PARD3B: variants seen among roughly 807,000 people sequenced by gnomAD.
The protein encoded by PARD3B is partitioning defective 3 homolog B.
PARD3B carries 103 observed loss-of-function variants against 130.2 expected under a neutral mutation model. The ratio of observed to expected loss-of-function variants is 0.79; its 90% CI spans 0.67 to 0.93. The LOEUF is 0.93. PARD3B is among the 40% of genes least tolerant of loss of function. The pLI is 0.00. For synonymous variants in PARD3B, 583 were observed against 553.2 expected (o/e 1.05, Z -0.76); for missense variants, 1,609 against 1,499.2 (o/e 1.07, Z -1.21).
rs74589352 is a variant in PARD3B at position 204,635,739 on chromosome 2, G to T, written c.121-50442G>T. ...CAACTAATGAGTCACTTATTTCCTT[G>T]TCGTGTAAAATGGGGATAATAATAA... On this transcript the variant is annotated intron_variant, in intron 1 of 22. Coordinates refer to ENST00000406610, the MANE Select transcript of PARD3B (RefSeq NM_001302769.2). Among the ~76,000 whole-genome samples, 1,017 of 152,180 alleles carry T rather than the reference G, an allele frequency of 6.7e-3. 13 individuals are homozygous for T. The highest frequency in any genetic ancestry group is 0.023 in the African/African-American group (963 of 41,514).
At chr2:204,808,064 G>A (rs2042836807) in intron 2 of PARD3B, among the ~76,000 whole-genome samples, 2 of 151,906 alleles carry the variant, frequency 1.3e-5, no homozygotes, top group South Asian at 2.1e-4. Flanking sequence ...TATCAAAGTA[G>A]CTCATGTACC....
At chr2:205,250,552 G>A (rs922044039) in intron 16 of PARD3B, among the ~76,000 whole-genome samples, 2 of 152,058 alleles carry the variant, frequency 1.3e-5, no homozygotes, top group African/African-American at 4.8e-5. Context: ...AACAATCTAG[G>A]GAGCTATTTC....
intron 18 of PARD3B, among the ~76,000 whole-genome samples, chr2:205,308,604 C>CAAAA (rs5837965): frequency 0.48 from 53,640 of 111,740 alleles, 15,299 homozygotes; most frequent in South Asian, 0.66. Context: ...GACTCCGTCT[C>CAAAA]AAAAAAAAAA....
intron 3 of PARD3B, among the ~76,000 whole-genome samples, chr2:205,007,373 A>G (rs1023798205): frequency 1.2e-4 from 18 of 152,202 alleles, no homozygotes; most frequent in African/African-American, 4.3e-4. Context: ...GGATAGGATG[A>G]GAGATGGCGA....
chr2:205,088,683 C>T (rs908953813), intron 4 of PARD3B, among the ~76,000 whole-genome samples: 1 of 152,138 alleles, frequency 6.6e-6, no homozygotes, highest in African/African-American at 2.4e-5. Context: ...CTTTCTATTC[C>T]TTTGTATGTC....
chr2:205,521,385 C>G (rs546383130), intron 21 of PARD3B, among the ~76,000 whole-genome samples: 2 of 151,960 alleles, frequency 1.3e-5, no homozygotes, highest in African/African-American at 4.8e-5. Flanking sequence ...GAATATTAAG[C>G]CTTTACTGTC....
intron 16 of PARD3B, among the ~76,000 whole-genome samples, chr2:205,270,158 A>AT (rs1168072596): frequency 2.0e-5 from 3 of 152,226 alleles, no homozygotes; most frequent in Non-Finnish European, 4.4e-5. Context: ...TTTTAAAAAA[A>AT]TTTTAAAAGT....
At chr2:205,217,812 A>G (rs2038002539) in intron 15 of PARD3B, among the ~76,000 whole-genome samples, 1 of 54,572 alleles carries the variant, frequency 1.8e-5, no homozygotes, top group Non-Finnish European at 3.2e-5. Context: ...ATGTGTGTAT[A>G]TATGTATATG....
At chr2:205,144,882 T>C (rs1292327375) in intron 10 of PARD3B, among the ~76,000 whole-genome samples, 2 of 152,240 alleles carry the variant, frequency 1.3e-5, no homozygotes, top group East Asian at 3.8e-4. Context: ...GCTTTTATTG[T>C]TTGATTTTCT....
intron 3 of PARD3B, among the ~76,000 whole-genome samples, chr2:205,039,913 A>G (rs1559379148): frequency 1.3e-5 from 2 of 152,154 alleles, no homozygotes. Flanking sequence ...AATAAAGTTC[A>G]AAAGATTTGG....
At chr2:204,709,077 G>C (rs989528353) in intron 2 of PARD3B, among the ~76,000 whole-genome samples, 2 of 152,036 alleles carry the variant, frequency 1.3e-5, no homozygotes, top group African/African-American at 4.8e-5. Flanking sequence ...GCTACTTAGG[G>C]AATGCATGAA....
chr2:205,374,558 C>A (rs943942324), intron 18 of PARD3B, among the ~76,000 whole-genome samples: 4 of 152,118 alleles, frequency 2.6e-5, no homozygotes, highest in Admixed American at 6.6e-5. Context: ...TTATATATTT[C>A]TTTCAGTCTT....
At chr2:205,560,660 C>T (rs2053097954) in intron 22 of PARD3B, among the ~76,000 whole-genome samples, 1 of 152,186 alleles carries the variant, frequency 6.6e-6, no homozygotes, top group South Asian at 2.1e-4. Context: ...GGGACAAAGG[C>T]CTGCTTGGGC....
intron 1 of PARD3B, among the ~76,000 whole-genome samples, chr2:204,579,158 A>G (rs144326620): frequency 1.3e-5 from 2 of 151,444 alleles, no homozygotes; most frequent in Admixed American, 6.6e-5. Context: ...TCACAACAAC[A>G]GTAATAATCA....
intron 21 of PARD3B, among the ~76,000 whole-genome samples, chr2:205,513,391 C>T (rs372602611): frequency 1.1e-4 from 17 of 151,816 alleles, no homozygotes; most frequent in East Asian, 3.9e-4. Flanking sequence ...CATGATGATG[C>T]GGGGAACAGA....
chr2:204,990,485 A>G (rs1240730837), intron 3 of PARD3B, among the ~76,000 whole-genome samples: 1 of 152,170 alleles, frequency 6.6e-6, no homozygotes, highest in Non-Finnish European at 1.5e-5. Context: ...GTTGAACACT[A>G]GAACTAATTG....
chr2:205,453,463 G>A (rs943332697), intron 20 of PARD3B, among the ~76,000 whole-genome samples: 1 of 152,194 alleles, frequency 6.6e-6, no homozygotes, highest in Non-Finnish European at 1.5e-5. Context: ...AACGCTTAAA[G>A]TAGGGTTGGC....
At chr2:205,178,464 A>G (rs114355313) in intron 13 of PARD3B, among the ~76,000 whole-genome samples, 1 of 152,148 alleles carries the variant, frequency 6.6e-6, no homozygotes, top group East Asian at 1.9e-4. Flanking sequence ...GAAAAAAAAG[A>G]AATTAAAAAT....
chr2:204,891,661 A>G (rs562110450), intron 2 of PARD3B, among the ~76,000 whole-genome samples: 1 of 152,190 alleles, frequency 6.6e-6, no homozygotes. Flanking sequence ...AACCAGCCAC[A>G]TTCTTCTCTG....
Sources: allele counts gnomAD v4.1 joint callset (sites outside exome capture counted in the v4.1 genomes callset), GRCh38; gene constraint gnomAD v4.1.1; transcripts MANE v1.5; gene names NCBI Gene and HGNC (gene_info 2026-07-23, HGNC 2026-07-21).